Variants in HFM1 observed in about 807,000 individuals in gnomAD.
HFM1 encodes the protein probable ATP-dependent DNA helicase HFM1.
Under a neutral mutation model 192.1 loss-of-function variants are expected in HFM1, and 169 were observed. That is an observed-to-expected ratio of 0.88 (90% CI 0.78 to 1.00). HFM1 has a LOEUF of 1.00. HFM1 is among the 50% of genes least tolerant of loss of function. HFM1 has a pLI of 0.00. For synonymous variants in HFM1, 525 were observed against 537.8 expected, an observed-to-expected ratio of 0.98 and a Z score of 0.33; for missense variants, 1,661 against 1,668.0, an observed-to-expected ratio of 1.00 and a Z score of 0.07.
intron 20 of HFM1, among the ~76,000 whole-genome samples, chr1:91,333,394 A>G (rs748415093): frequency 1.3e-5 from 2 of 152,206 alleles, no homozygotes; most frequent in Non-Finnish European, 2.9e-5. Flanking sequence ...GTGGAATCTG[A>G]AAATCAAAAT....
At chr1:91,343,974 A>G (rs1655755549) in intron 19 of HFM1, among the ~76,000 whole-genome samples, 1 of 152,260 alleles carries the variant, frequency 6.6e-6, no homozygotes, top group African/African-American at 2.4e-5. Flanking sequence ...TATCAAAGAT[A>G]TATTAATGTA....
chr1:91,285,640 G>A (rs1049241961), intron 30 of HFM1, among the ~76,000 whole-genome samples: 13 of 152,086 alleles, frequency 8.5e-5, no homozygotes, highest in Admixed American at 2.0e-4. Context: ...TGTACAATAC[G>A]GATGTGCATA....
chr1:91,375,404 G>T lies in HFM1; in HGVS notation c.1639C>A (p.Leu547Ile). ...ATAATAAATTTAGCATCTTTCACAAGAACAGAAGCAGCCTGTTGCACACCC... is the reference window on the plus strand; with the variant it reads ...ATAATAAATTTAGCATCTTTCACAATAACAGAAGCAGCCTGTTGCACACCC... ...RKGVQQAASV[L>I]VKDAKFIMTV... Residue 547 changes from leucine (L) to isoleucine (I), a missense_variant, in exon 13 of 39, where the codon CTT becomes ATT. Coordinates refer to ENST00000370425, the MANE Select transcript of HFM1 (RefSeq NM_001017975.6). The T allele has an allele frequency of 6.2e-7, 1 of 1,612,898 alleles. No individual in the cohort carries two copies.
chr1:91,391,023 A>G (rs1360345669), intron 4 of HFM1, among the ~76,000 whole-genome samples: 3 of 152,206 alleles, frequency 2.0e-5, no homozygotes, highest in African/African-American at 7.2e-5. Flanking sequence ...AGAATAAAAT[A>G]CCTAGGAATC....
At chr1:91,275,197 C>A (rs1029940856) in intron 32 of HFM1, among the ~76,000 whole-genome samples, 3 of 152,070 alleles carry the variant, frequency 2.0e-5, no homozygotes, top group Non-Finnish European at 4.4e-5. Flanking sequence ...GTTGGCCAGG[C>A]TGGTCTCGAA....
chr1:91,304,534 T>C (rs1649323357), intron 30 of HFM1, among the ~76,000 whole-genome samples: 1 of 152,124 alleles, frequency 6.6e-6, no homozygotes, highest in African/African-American at 2.4e-5. Flanking sequence ...TGGAGCGATC[T>C]TGGCTCACTG....
At chr1:91,379,594 A>G (rs1661309893) in intron 8 of HFM1, among the ~76,000 whole-genome samples, 1 of 152,180 alleles carries the variant, frequency 6.6e-6, no homozygotes, top group Non-Finnish European at 1.5e-5. Flanking sequence ...AAGTTAGACA[A>G]GCTTGATTTA....
At chr1:91,332,650 A>G (rs528027720) in intron 20 of HFM1, among the ~76,000 whole-genome samples, 25 of 152,288 alleles carry the variant, frequency 1.6e-4, no homozygotes, top group African/African-American at 5.5e-4. Flanking sequence ...ACAATCAACA[A>G]AGTGAAAAGA....
chr1:91,354,701 G>C (rs772667257), intron 13 of HFM1, among the ~76,000 whole-genome samples: 13 of 152,080 alleles, frequency 8.5e-5, no homozygotes, highest in Non-Finnish European at 1.8e-4. Flanking sequence ...TCAAAGTCCT[G>C]AAAGAAGACA....
chr1:91,396,168 T>C (rs1293267009), intron 3 of HFM1, 125 bp downstream of exon 3: 1 of 477,716 alleles, frequency 2.1e-6, no homozygotes, highest in Non-Finnish European at 3.8e-6. Flanking sequence ...ATACATATTT[T>C]GGGGGCATAT....
chr1:91,276,756 A>T lies in HFM1; in HGVS notation c.3473-13T>A. ...ACTCCAATTTTACCTATGAAAAGAA[A>T]CTTCAGATTCTTTAGGTTAAACTTC... On this transcript the variant is annotated splice_polypyrimidine_tract_variant and intron_variant, in intron 31 of 38. Transcript: ENST00000370425. 3 of 1,224,904 alleles carry T rather than the reference A, an allele frequency of 2.4e-6. No homozygotes were observed. Among genetic ancestry groups the T allele is most frequent in the Non-Finnish European group, 3.4e-6 (3 of 877,510 alleles). The allele number at this position is 1,224,904 out of a possible 1,614,324, so 75.9% of individuals were successfully genotyped here.
Position 91,313,470 on chromosome 1 carries a change from A to G in HFM1, c.3270T>C (p.Leu1090=). ...TCTTGGGTTCTAAGTAAAAGACTGT[A>G]AGTTTCTGCTGAATATCAAGCCCAA... ...EFVGLDIQQK[L]TVFYLEPKRF... Residue 1090 remains leucine (L), a synonymous_variant, in exon 30 of 39, where the codon CTT becomes CTC. Coordinates refer to ENST00000370425, the MANE Select transcript of HFM1 (RefSeq NM_001017975.6). The G allele has an allele frequency of 6.3e-7, 1 of 1,590,636 alleles. No homozygotes were observed. The highest frequency in any genetic ancestry group is 8.6e-7 in the Non-Finnish European group (1 of 1,169,576).
At chr1:91,351,772 TA>T in intron 16 of HFM1, 129 bp from the exon 17 acceptor site, 2 of 424,938 alleles carry the variant, frequency 4.7e-6, no homozygotes, top group Non-Finnish European at 8.5e-6. Flanking sequence ...AAAAAGGCCT[TA>T]AAAATGCTCT....
chr1:91,403,454 TTTCA>T (rs1453921435), intron 1 of HFM1, among the ~76,000 whole-genome samples: 4 of 152,184 alleles, frequency 2.6e-5, no homozygotes, highest in Non-Finnish European at 4.4e-5. Flanking sequence ...AATTTGGCAC[TTTCA>T]TTATGTAAAT....
At position 91,261,346 on chromosome 1, in the gene HFM1, C is replaced by T; in HGVS notation, c.4252G>A (p.Asp1418Asn). 7.1e-7 allele frequency: 1 copy of T among 1,408,400 alleles called. No individual in the cohort carries two copies. The allele number at this position is 1,408,400 out of a possible 1,614,324, so 87.2% of individuals were successfully genotyped here. The part of the protein sequence containing the change: ...KEVDFSMYHP[D>N]DEADEMKSLL... ...GACTTCATTTCATCAGCTTCATCAT[C>T]AGGATGATACATACTGGGAGAAAGA... The change falls in exon 39 of 39, where the codon GAT (aspartate) becomes AAT (asparagine). Residue 1418 changes from aspartate (D) to asparagine (N), a missense_variant. By Grantham distance (23) the Asp-to-Asn change is conservative. Coordinates refer to ENST00000370425, the MANE Select transcript of HFM1 (RefSeq NM_001017975.6).
At chr1:91,302,278 A>G (rs948345459) in intron 30 of HFM1, among the ~76,000 whole-genome samples, 1 of 151,690 alleles carries the variant, frequency 6.6e-6, no homozygotes, top group Non-Finnish European at 1.5e-5. Flanking sequence ...AAAAGTCAGG[A>G]AACAACAGGT....
Position 91,313,990 on chromosome 1 carries a change from C to A in HFM1, c.3211G>T (p.Asp1071Tyr). 1.2e-6 allele frequency: 2 copies of A among 1,607,240 alleles called. No homozygotes were observed. The highest frequency in any genetic ancestry group is 1.7e-6 in the Non-Finnish European group (2 of 1,175,124). ...GAACTTATTAGATTTATGCTAAGAT[C>A]TTCAGATTTAAGAGCTCTTTTCACA... ...IAVKRALKSE[D>Y]LSINLISSEF... Residue 1071 changes from aspartate to tyrosine, a missense_variant, in exon 29 of 39, where the codon GAT (aspartate) becomes TAT (tyrosine). By Grantham distance (160) the Asp-to-Tyr change is radical (BLOSUM62 -3). Coordinates refer to ENST00000370425, the MANE Select transcript of HFM1 (RefSeq NM_001017975.6).
At chr1:91,404,364 C>G (rs1664634974) in intron 1 of HFM1, among the ~76,000 whole-genome samples, 1 of 152,232 alleles carries the variant, frequency 6.6e-6, no homozygotes, top group Non-Finnish European at 1.5e-5. Flanking sequence ...TCACTCCACC[C>G]CCCGGGTCCC....
At chr1:91,405,606 C>T (rs538984518), upstream of HFM1, among the ~76,000 whole-genome samples, 1 of 152,204 alleles carries the variant, frequency 6.6e-6, no homozygotes, top group South Asian at 2.1e-4. Context: ...GGAAAAGACC[C>T]AACCTTTAAG....
Sources: allele counts gnomAD v4.1 joint callset (sites outside exome capture counted in the v4.1 genomes callset), GRCh38; gene constraint gnomAD v4.1.1; transcripts MANE v1.5; gene names NCBI Gene and HGNC (gene_info 2026-07-23, HGNC 2026-07-21).